TOX: variants seen among roughly 807,000 people sequenced by gnomAD.
TOX encodes thymocyte selection-associated high mobility group box protein TOX.
In TOX, 11 loss-of-function variants were observed where a neutral mutation model predicts 53.7. The ratio of observed to expected loss-of-function variants is 0.20; its 90% CI spans 0.13 to 0.34. The LOEUF (loss-of-function observed/expected upper bound fraction) is 0.34, where lower values mean the gene tolerates loss of function less well. Ranked by LOEUF, TOX falls within the 10% of genes least tolerant of loss-of-function variation. The pLI is 1.00. For missense variants in TOX, 570 were observed against 664.6 expected (o/e 0.86, Z 1.56); for synonymous variants, 225 against 245.3 (o/e 0.92, Z 0.77).
chr8:58,819,267 A>G (rs1395976889), intron 6 of TOX, among the ~76,000 whole-genome samples: 9 of 152,234 alleles, frequency 5.9e-5, no homozygotes, highest in African/African-American at 2.2e-4. Flanking sequence ...TTTCTCATAC[A>G]TACTAAGTAA....
intron 3 of TOX, among the ~76,000 whole-genome samples, chr8:58,914,702 A>C (rs1244622007): frequency 6.6e-6 from 1 of 152,212 alleles, no homozygotes; most frequent in African/African-American, 2.4e-5. Flanking sequence ...GGAGGAGCCA[A>C]GATGGCCGAA....
intron 1 of TOX, among the ~76,000 whole-genome samples, chr8:59,080,857 A>T (rs2129423146): frequency 6.6e-6 from 1 of 152,290 alleles, no homozygotes; most frequent in South Asian, 2.1e-4. Context: ...TGGGCCAATT[A>T]AACCTCTTTT....
intron 3 of TOX, among the ~76,000 whole-genome samples, chr8:58,902,113 T>C (rs1811742562): frequency 6.6e-6 from 1 of 152,216 alleles, no homozygotes; most frequent in Admixed American, 6.5e-5. Flanking sequence ...CTCAGTGCAT[T>C]AAAATATAAA....
In TOX at chr8:58,806,674, A is replaced by T. The variant is rs1809981553; in HGVS notation, c.*1073T>A. 6.5e-6 allele frequency: 1 copy of T among 152,784 alleles called. No homozygotes were observed. The highest frequency in any genetic ancestry group is 1.9e-4 in the East Asian group (1 of 5,192). The allele number at this position is 152,784 out of a possible 1,614,324, so 9.5% of individuals were successfully genotyped here. ...CTAAATGAAAAGCAGGTTTGGCTTTATTCATGTTACTGTAAAAACTAAATA... is the reference window on the plus strand; with the variant it reads ...CTAAATGAAAAGCAGGTTTGGCTTTTTTCATGTTACTGTAAAAACTAAATA... On this transcript the variant is annotated 3_prime_UTR_variant, in exon 9 of 9. Transcript: ENST00000361421.
chr8:58,980,852 G>A (rs1813192891), intron 1 of TOX, among the ~76,000 whole-genome samples: 1 of 152,160 alleles, frequency 6.6e-6, no homozygotes. Flanking sequence ...CTGGTCAAGA[G>A]GTAGAGGTGA....
At chr8:58,940,337 G>C (rs1376545171) in intron 2 of TOX, among the ~76,000 whole-genome samples, 2 of 150,910 alleles carry the variant, frequency 1.3e-5, no homozygotes, top group African/African-American at 2.4e-5. Flanking sequence ...TAACATATGT[G>C]GGTTTTTTTT....
At chr8:58,908,855 C>A (rs1811864357) in intron 3 of TOX, among the ~76,000 whole-genome samples, 1 of 152,200 alleles carries the variant, frequency 6.6e-6, no homozygotes, top group Non-Finnish European at 1.5e-5. Flanking sequence ...GAGTCTAATG[C>A]AGCCTGCTTA....
rs887020565 is a variant in TOX at position 58,858,711 on chromosome 8, C to T, written c.412-6906G>A. Among the ~76,000 whole-genome samples the T allele has an allele frequency of 2.6e-5, 4 of 152,240 alleles. No individual in the cohort carries two copies. In the East Asian group the frequency reaches 5.8e-4, roughly 22 times the overall value. On this transcript the variant is annotated intron_variant, in intron 3 of 8. Transcript: ENST00000361421. ...CTTTCCCCAGGGCAATAAGGAGACC[C>T]TGCTGGCTTTAGCTGTGACAAGTGC...
At chr8:58,963,027 G>T (rs1364457973) in intron 1 of TOX, among the ~76,000 whole-genome samples, 1 of 152,196 alleles carries the variant, frequency 6.6e-6, no homozygotes, top group Non-Finnish European at 1.5e-5. Context: ...TTAGTTGAAG[G>T]CTTGACTAGA....
At chr8:59,035,190 G>GA (rs1207165578) in intron 1 of TOX, among the ~76,000 whole-genome samples, 3 of 152,016 alleles carry the variant, frequency 2.0e-5, no homozygotes, top group South Asian at 2.1e-4. Flanking sequence ...ATTTCAGCTG[G>GA]AAAAAATACT....
At chr8:59,054,910 GA>G in intron 1 of TOX, among the ~76,000 whole-genome samples, 1 of 107,746 alleles carries the variant, frequency 9.3e-6, no homozygotes, top group Admixed American at 1.5e-4. Flanking sequence ...AAAAAAGAAA[GA>G]AAGAGAAAGA....
intron 1 of TOX, among the ~76,000 whole-genome samples, chr8:59,108,562 C>T (rs1469371348): frequency 2.0e-5 from 3 of 152,022 alleles, no homozygotes; most frequent in Admixed American, 6.6e-5. Flanking sequence ...CCCACTCATT[C>T]GCCTTTTGCA....
intron 6 of TOX, among the ~76,000 whole-genome samples, chr8:58,818,034 A>C (rs956541937): frequency 6.6e-6 from 1 of 152,214 alleles, no homozygotes; most frequent in Non-Finnish European, 1.5e-5. Flanking sequence ...AGATAAGCAG[A>C]GGTAGAGATG....
At chr8:58,992,791 C>T (rs1412349302) in intron 1 of TOX, 1 of 152,152 alleles carries the variant, frequency 6.6e-6, no homozygotes, top group Non-Finnish European at 1.5e-5. Flanking sequence ...CAATTCTCTT[C>T]TTTACTTACA....
chr8:58,831,236 C>T (rs1810448572), intron 5 of TOX, among the ~76,000 whole-genome samples: 1 of 152,052 alleles, frequency 6.6e-6, no homozygotes, highest in Non-Finnish European at 1.5e-5. Flanking sequence ...AAAATGGCTA[C>T]AAAATACATA....
At chr8:58,949,930 T>C (rs996690901) in intron 2 of TOX, among the ~76,000 whole-genome samples, 2 of 136,234 alleles carry the variant, frequency 1.5e-5, no homozygotes, top group Non-Finnish European at 3.1e-5. Context: ...ATTACATGTG[T>C]ATAGTTCATA....
chr8:58,810,399 G>A (rs1386737915), intron 7 of TOX, among the ~76,000 whole-genome samples: 5 of 152,080 alleles, frequency 3.3e-5, no homozygotes, highest in African/African-American at 7.2e-5. Context: ...GGAGTGCAAT[G>A]GCACCATCTC....
At chr8:59,048,546 C>CA (rs1803730265) in intron 1 of TOX, among the ~76,000 whole-genome samples, 1 of 152,198 alleles carries the variant, frequency 6.6e-6, no homozygotes, top group East Asian at 1.9e-4. Flanking sequence ...GACCTTCCCC[C>CA]AAAAAGAAGG....
rs1488503631 is a variant in TOX at position 58,947,286 on chromosome 8, ATGGAGTCATGAAATGACT to A, written c.169-7760_169-7743del. Among the ~76,000 whole-genome samples the A allele has an allele frequency of 5.9e-5, 9 of 152,286 alleles. No individual in the cohort carries two copies. The East Asian group carries it at 1.7e-3, about 29-fold the overall frequency. On this transcript the variant is annotated intron_variant, in intron 2 of 8. Transcript: ENST00000361421. ...TTCTAGAACTCTCATAAAGAATTTG[ATGGAGTCATGAAATGACT>A]CAGAGATTAAGCAGAACAAAAGTTG... is the stretch of plus-strand genomic sequence containing the variant.
Sources: gnomAD v4.1 joint callset for allele counts (sites outside exome capture counted in the v4.1 genomes callset) on GRCh38, gnomAD v4.1.1 for gene constraint, MANE v1.5 for transcripts, NCBI Gene and HGNC (gene_info 2026-07-23, HGNC 2026-07-21) for gene names.